MAP2: variants seen among roughly 807,000 people sequenced by gnomAD.
The protein encoded by MAP2 is microtubule associated protein 2, also known as microtubule-associated protein 2.
Under a neutral mutation model 137.6 loss-of-function variants are expected in MAP2, and 14 were observed. The ratio of observed to expected loss-of-function variants is 0.10; its 90% CI spans 0.07 to 0.16. MAP2 has a LOEUF of 0.16. Among genes scored for constraint, MAP2 ranks in the 10% least tolerant of loss-of-function variants. The pLI is 1.00. For synonymous variants in MAP2, 786 were observed against 782.3 expected (o/e 1.00, Z -0.08); for missense variants, 2,088 against 2,191.5 (o/e 0.95, Z 0.94).
At chr2:209,553,834 T>C (rs1413285690) in intron 2 of MAP2, among the ~76,000 whole-genome samples, 3 of 152,220 alleles carry the variant, frequency 2.0e-5, no homozygotes, top group Non-Finnish European at 4.4e-5. Context: ...AGTGGTATGC[T>C]GGTAAAGTGG....
In MAP2 at chr2:209,520,673, T is replaced by C. The variant is rs553568279; in HGVS notation, c.-172+13032T>C. Among the ~76,000 whole-genome samples the C allele has an allele frequency of 2.0e-5, 3 of 152,214 alleles. No homozygotes were observed. The South Asian group carries it at 6.2e-4, about 32-fold the overall frequency. On this transcript the variant is annotated intron_variant, in intron 2 of 15. Transcript: ENST00000682079. ...AAGATTCTTCAGGCCGCTTAAGACC[T>C]TCTGAGGCCCATTCCTTAGCAAGAT...
rs2080061761 is a variant in MAP2, at chr2:209,593,637, ATATATATATATAT to A, written c.-107+13538_-107+13550del. Among the ~76,000 whole-genome samples, 39 of 31,840 alleles carry A rather than the reference ATATATATATATAT, an allele frequency of 1.2e-3. 4 individuals are homozygous for A. The highest frequency in any genetic ancestry group is 4.3e-3 in the African/African-American group (29 of 6,816). 20.9% of individuals were successfully genotyped at this position (31,840 alleles called of 152,430 possible). On this transcript the variant is annotated intron_variant, in intron 3 of 15. Transcript: ENST00000682079. ...GTCTCTACAAAAAAAAAAAAAAAAT[ATATATATATATAT>A]ATATATATATATATATATATATATG... is the stretch of plus-strand genomic sequence containing the variant.
At chr2:209,710,978 C>T (rs2065247597) in intron 13 of MAP2, among the ~76,000 whole-genome samples, 1 of 152,132 alleles carries the variant, frequency 6.6e-6, no homozygotes, top group Non-Finnish European at 1.5e-5. Context: ...TTATACACTA[C>T]ATGTTTGGAC....
intron 5 of MAP2, among the ~76,000 whole-genome samples, chr2:209,678,351 G>A (rs987362810): frequency 1.3e-5 from 2 of 151,910 alleles, no homozygotes; most frequent in Non-Finnish European, 2.9e-5. Flanking sequence ...TCAGTTCTGT[G>A]CTCATTTTGC....
intron 1 of MAP2, among the ~76,000 whole-genome samples, chr2:209,486,451 T>A (rs2058391340): frequency 6.6e-6 from 1 of 152,164 alleles, no homozygotes. Context: ...CTTGATCTCC[T>A]GACCTCATGA....
chr2:209,727,260 G>C (rs2074401667), intron 14 of MAP2, among the ~76,000 whole-genome samples: 2 of 152,184 alleles, frequency 1.3e-5, no homozygotes, highest in South Asian at 2.1e-4. Flanking sequence ...AAATTCTCCT[G>C]TCCACAGCTG....
chr2:209,490,122 T>G (rs1475031576), intron 1 of MAP2, among the ~76,000 whole-genome samples: 1 of 152,122 alleles, frequency 6.6e-6, no homozygotes, highest in South Asian at 2.1e-4. Context: ...GGGGAAAATA[T>G]TCAACATTCT....
At chr2:209,630,663 A>G (rs540321056) in intron 4 of MAP2, among the ~76,000 whole-genome samples, 9 of 152,162 alleles carry the variant, frequency 5.9e-5, no homozygotes, top group Admixed American at 2.6e-4. Flanking sequence ...TTATTGTTGT[A>G]TAAAGAGCCA....
intron 1 of MAP2, among the ~76,000 whole-genome samples, chr2:209,434,885 T>TTATATATATATGTTA (rs60440231): frequency 5.9e-4 from 44 of 74,668 alleles, no homozygotes; most frequent in Non-Finnish European, 1.1e-3. Flanking sequence ...TATATATATG[T>TTATATATATATGTTA]TATATATATG....
chr2:209,610,722 T>C (rs1253798729), intron 3 of MAP2, among the ~76,000 whole-genome samples: 1 of 152,150 alleles, frequency 6.6e-6, no homozygotes, highest in African/African-American at 2.4e-5. Flanking sequence ...AGAAGTATTA[T>C]AATAAATATA....
chr2:209,489,667 T>C (rs910282656), intron 1 of MAP2, among the ~76,000 whole-genome samples: 4 of 152,090 alleles, frequency 2.6e-5, no homozygotes, highest in African/African-American at 9.7e-5. Flanking sequence ...AGTAGCCAAA[T>C]TGATCAAGTG....
chr2:209,645,788 C>G (rs568223174), intron 4 of MAP2, among the ~76,000 whole-genome samples: 14 of 152,206 alleles, frequency 9.2e-5, no homozygotes, highest in African/African-American at 2.9e-4. Flanking sequence ...GAACATAGTA[C>G]TCAGGACTTA....
chr2:209,729,898 A>G lies in MAP2; in HGVS notation c.5204A>G (p.Lys1735Arg). ...AGTGTAAAACTAGATTTCAAAGAAA[A>G]GGCCCAAGCTAAAGTTGGTTCTCTT... Reference protein sequence around the residue: ...IESVKLDFKEKAQAKVGSLDN... With the variant: ...IESVKLDFKERAQAKVGSLDN... Residue 1735 changes from lysine to arginine, a missense_variant, in exon 15 of 16, where the codon AAG (lysine) becomes AGG (arginine). This residue lies in a region of MAP2 where 112 missense variants were observed against 201.0 expected (regional missense o/e 0.56). Transcript: ENST00000682079. 5.6e-6 allele frequency: 9 copies of G among 1,613,784 alleles called. No individual in the cohort carries two copies. Among genetic ancestry groups the G allele is most frequent in the Non-Finnish European group, 7.6e-6 (9 of 1,179,734 alleles).
intron 4 of MAP2, among the ~76,000 whole-genome samples, chr2:209,643,585 A>G (rs2153582798): frequency 6.6e-6 from 1 of 152,370 alleles, no homozygotes; most frequent in East Asian, 1.9e-4. Flanking sequence ...AATCAAGTGT[A>G]CTTCTATCAC....
intron 13 of MAP2, among the ~76,000 whole-genome samples, chr2:209,720,247 TATA>T (rs1204843934): frequency 7.2e-5 from 11 of 152,190 alleles, no homozygotes; most frequent in Admixed American, 5.2e-4. Flanking sequence ...GGTTGATTAA[TATA>T]ATATTTTTCA....
chr2:209,490,830 A>G (rs2059017569), intron 1 of MAP2, among the ~76,000 whole-genome samples: 1 of 152,086 alleles, frequency 6.6e-6, no homozygotes, highest in African/African-American at 2.4e-5. Context: ...AAAGAGACTT[A>G]GACTCCCACA....
chr2:209,481,565 A>C (rs1708788498), intron 1 of MAP2, among the ~76,000 whole-genome samples: 1 of 152,214 alleles, frequency 6.6e-6, no homozygotes, highest in African/African-American at 2.4e-5. Flanking sequence ...CCTATGGCTG[A>C]GGCTGGGGTA....
chr2:209,681,129 A>G (rs1583273117), intron 7 of MAP2, among the ~76,000 whole-genome samples: 1 of 152,338 alleles, frequency 6.6e-6, no homozygotes, highest in East Asian at 1.9e-4. Flanking sequence ...AACAGGGAAG[A>G]TACAATTCTA....
chr2:209,457,700 C>CA (rs1232474142), intron 1 of MAP2, among the ~76,000 whole-genome samples: 1 of 152,158 alleles, frequency 6.6e-6, no homozygotes, highest in African/African-American at 2.4e-5. Flanking sequence ...AAACTCTATG[C>CA]ATCACATGAA....
Sources: allele counts gnomAD v4.1 joint callset (sites outside exome capture counted in the v4.1 genomes callset), GRCh38; gene constraint gnomAD v4.1.1; regional missense constraint gnomAD v4.1.1; transcripts MANE v1.5; gene names NCBI Gene and HGNC (gene_info 2026-07-23, HGNC 2026-07-21).